ANKS1B: variants seen among roughly 807,000 people sequenced by gnomAD.
The protein encoded by ANKS1B is ankyrin repeat and sterile alpha motif domain containing 1B, also known as ankyrin repeat and sterile alpha motif domain-containing protein 1B.
ANKS1B carries 36 observed loss-of-function variants against 148.3 expected under a neutral mutation model. The ratio of observed to expected loss-of-function variants is 0.24; its 90% CI spans 0.19 to 0.32. The LOEUF (loss-of-function observed/expected upper bound fraction) is 0.32. Ranked by LOEUF, ANKS1B falls within the 10% of genes least tolerant of loss-of-function variation. ANKS1B has a pLI of 1.00. For synonymous variants in ANKS1B, 542 were observed against 560.8 expected (o/e 0.97, Z 0.47); for missense variants, 1,157 against 1,542.6 (o/e 0.75, Z 4.19).
intron 1 of ANKS1B, among the ~76,000 whole-genome samples, chr12:99,900,505 CAAAAAAA>C (rs71303560): frequency 3.8e-4 from 27 of 70,720 alleles, no homozygotes; most frequent in East Asian, 8.1e-4. Flanking sequence ...GACTCCATCT[CAAAAAAA>C]AAAAAAAAAA....
intron 1 of ANKS1B, among the ~76,000 whole-genome samples, chr12:99,832,467 T>C (rs1383963089): frequency 6.6e-6 from 1 of 151,978 alleles, no homozygotes; most frequent in Non-Finnish European, 1.5e-5. Context: ...CGGGTGCTTG[T>C]AATCCCAGCA....
intron 8 of ANKS1B, among the ~76,000 whole-genome samples, chr12:99,664,813 C>T (rs979162519): frequency 3.3e-5 from 5 of 152,166 alleles, no homozygotes; most frequent in African/African-American, 4.8e-5. Context: ...TAACACTAAA[C>T]ATCTGTTTAA....
chr12:99,106,079 T>C (rs373214562), intron 15 of ANKS1B, among the ~76,000 whole-genome samples: 18 of 152,296 alleles, frequency 1.2e-4, no homozygotes, highest in African/African-American at 4.1e-4. Flanking sequence ...TGACAGATCC[T>C]TTACTAGGGA....
rs1567522473 is a variant in ANKS1B, at chr12:99,632,746, TATATATATATATATATATATA to T, written c.1272+22300_1272+22320del. On this transcript the variant is annotated intron_variant, in intron 9 of 26. Transcript: ENST00000683438. ...TTCTTTCTATATATATATATATATA[TATATATATATATATATATATA>T]TTTTAATTATACTTTAAGTTCTAGG... Among the ~76,000 whole-genome samples the T allele has an allele frequency of 2.4e-4, 26 of 107,550 alleles. 1 individual carries two copies. Among genetic ancestry groups the T allele is most frequent in the East Asian group, 6.7e-4 (2 of 2,964 alleles). 70.6% of individuals were successfully genotyped at this position (107,550 alleles called of 152,430 possible).
chr12:99,836,357 A>G (rs2084857073), intron 1 of ANKS1B, among the ~76,000 whole-genome samples: 1 of 152,144 alleles, frequency 6.6e-6, no homozygotes, highest in African/African-American at 2.4e-5. Context: ...TCTAGTATAC[A>G]GTCATATCCT....
intron 12 of ANKS1B, among the ~76,000 whole-genome samples, chr12:99,311,393 G>A (rs1182729851): frequency 6.6e-6 from 1 of 152,156 alleles, no homozygotes; most frequent in African/African-American, 2.4e-5. Flanking sequence ...AACGCTGGAT[G>A]TATGTCTTAA....
intron 17 of ANKS1B, among the ~76,000 whole-genome samples, chr12:99,005,667 G>T (rs2099935745): frequency 6.6e-6 from 1 of 152,176 alleles, no homozygotes; most frequent in Non-Finnish European, 1.5e-5. Flanking sequence ...TAGAAAGCAA[G>T]ACGCCATTTG....
chr12:99,729,372 A>G (rs975269283), intron 8 of ANKS1B, among the ~76,000 whole-genome samples: 4 of 152,144 alleles, frequency 2.6e-5, no homozygotes, highest in African/African-American at 9.7e-5. Flanking sequence ...TTTGTAAGTA[A>G]TGAAGTCTTG....
chr12:98,757,528 C>A (rs1029525540), intron 25 of ANKS1B, among the ~76,000 whole-genome samples: 2 of 152,150 alleles, frequency 1.3e-5, no homozygotes, highest in African/African-American at 4.8e-5. Flanking sequence ...TGCTGCTTAG[C>A]CAGGAGGCCA....
chr12:98,923,154 T>C (rs956098439), intron 17 of ANKS1B, among the ~76,000 whole-genome samples: 1 of 152,154 alleles, frequency 6.6e-6, no homozygotes, highest in Non-Finnish European at 1.5e-5. Flanking sequence ...AATGGGTTAG[T>C]TCCCTTGAAA....
chr12:99,847,463 A>G (rs1386457102), intron 1 of ANKS1B, among the ~76,000 whole-genome samples: 2 of 152,194 alleles, frequency 1.3e-5, no homozygotes, highest in Non-Finnish European at 1.5e-5. Flanking sequence ...ATAGTAGGTC[A>G]TAAGACCCTC....
chr12:99,136,777 A>G (rs2068235607), intron 15 of ANKS1B, among the ~76,000 whole-genome samples: 1 of 152,188 alleles, frequency 6.6e-6, no homozygotes, highest in Admixed American at 6.5e-5. Context: ...GGTTTGTATT[A>G]AAGTTTTATT....
At chr12:99,856,650 C>A (rs1208909969) in intron 1 of ANKS1B, among the ~76,000 whole-genome samples, 1 of 152,042 alleles carries the variant, frequency 6.6e-6, no homozygotes, top group Non-Finnish European at 1.5e-5. Context: ...TACTAGCAAA[C>A]CAAATCCAAA....
intron 1 of ANKS1B, among the ~76,000 whole-genome samples, chr12:99,982,657 G>T (rs560383147): frequency 5.3e-5 from 8 of 152,232 alleles, no homozygotes; most frequent in East Asian, 1.9e-4. Context: ...AATTATTAGA[G>T]CTGCAATCTG....
intron 17 of ANKS1B, among the ~76,000 whole-genome samples, chr12:98,873,538 G>C (rs941986778): frequency 6.6e-6 from 1 of 152,172 alleles, no homozygotes; most frequent in Non-Finnish European, 1.5e-5. Context: ...AGGAAAGAAA[G>C]TAATCGAGGA....
intron 9 of ANKS1B, among the ~76,000 whole-genome samples, chr12:99,552,850 C>A (rs1401807823): frequency 1.3e-5 from 2 of 152,060 alleles, no homozygotes; most frequent in African/African-American, 4.8e-5. Context: ...ATAACTAATA[C>A]AATGTAAATG....
intron 10 of ANKS1B, among the ~76,000 whole-genome samples, chr12:99,484,818 T>C (rs2096465989): frequency 6.7e-6 from 1 of 149,400 alleles, no homozygotes; most frequent in African/African-American, 2.5e-5. Flanking sequence ...TTGTTTGATA[T>C]AAGACTAGCT....
chr12:98,769,826 C>A (rs2098544036), intron 25 of ANKS1B, among the ~76,000 whole-genome samples: 1 of 152,204 alleles, frequency 6.6e-6, no homozygotes, highest in South Asian at 2.1e-4. Flanking sequence ...TGGCGTTCAT[C>A]CTGAAAAGTA....
rs60878016 is a variant in ANKS1B at position 99,113,554 on chromosome 12, C to T, written c.2527-28531G>A. 3.9e-3 allele frequency among the ~76,000 whole-genome samples: 599 copies of T among 152,240 alleles called. 25 individuals carry two copies. In the East Asian group the frequency reaches 0.085, roughly 21 times the overall value. ...GACTAAATATATACGATTCAATTCC[C>T]CTTCCTGAAACATATTAAATTGCCA... On this transcript the variant is annotated intron_variant, in intron 15 of 26. Coordinates refer to ENST00000683438, the MANE Select transcript of ANKS1B (RefSeq NM_001352186.2).
Sources: allele counts gnomAD v4.1 joint callset (sites outside exome capture counted in the v4.1 genomes callset), GRCh38; gene constraint gnomAD v4.1.1; transcripts MANE v1.5; gene names NCBI Gene and HGNC (gene_info 2026-07-23, HGNC 2026-07-21).